Variants in MB21D2 observed in about 807,000 individuals in gnomAD.
MB21D2 encodes Mab-21 domain containing 2.
Under a neutral mutation model 33.3 loss-of-function variants are expected in MB21D2, and 9 were observed. The ratio of observed to expected loss-of-function variants is 0.27; its 90% confidence interval spans 0.16 to 0.47. The LOEUF is 0.47. MB21D2 is among the 20% of genes least tolerant of loss of function. The pLI, the probability that MB21D2 is intolerant of heterozygous loss-of-function variation, is 0.99. For missense variants in MB21D2, 540 were observed against 624.6 expected, an observed-to-expected ratio of 0.86 and a Z score of 1.44; for synonymous variants, 241 against 236.3, an observed-to-expected ratio of 1.02 and a Z score of -0.18.
At chr3:192,847,251 G>A (rs1232919004) in intron 1 of MB21D2, among the ~76,000 whole-genome samples, 1 of 152,170 alleles carries the variant, frequency 6.6e-6, no homozygotes, top group Non-Finnish European at 1.5e-5. Context: ...AACATGTAAA[G>A]GCATAGTTTC....
At position 192,853,231 on chromosome 3, in the gene MB21D2, C is replaced by T. The variant is rs557875084; in HGVS notation, c.212-53581G>A. Among the ~76,000 whole-genome samples, 6 of 152,304 alleles carry T rather than the reference C, an allele frequency of 3.9e-5. No homozygotes were observed. The South Asian group carries it at 1.0e-3, about 26-fold the overall frequency. On this transcript the variant is annotated intron_variant, in intron 1 of 1. Coordinates refer to ENST00000392452, the MANE Select transcript of MB21D2 (RefSeq NM_178496.4). ...AACCACATCACCCCTCGAAGGTCTT[C>T]TCCCACTTCTGGACACTCACTCCAC...
At chr3:192,873,946 C>T (rs6784774) in intron 1 of MB21D2, among the ~76,000 whole-genome samples, 93,037 of 152,070 alleles carry the variant, frequency 0.61, 30,357 homozygotes, top group African/African-American at 0.84. Context: ...GTGATCTGCC[C>T]GCCTTGGCCG....
At chr3:192,900,478 T>A (rs1022703990) in intron 1 of MB21D2, among the ~76,000 whole-genome samples, 1 of 152,026 alleles carries the variant, frequency 6.6e-6, no homozygotes, top group Admixed American at 6.6e-5. Context: ...CAGGGTCAAG[T>A]TGGAGAAGAA....
chr3:192,849,826 C>T (rs1712760398), intron 1 of MB21D2, among the ~76,000 whole-genome samples: 1 of 152,086 alleles, frequency 6.6e-6, no homozygotes, highest in Non-Finnish European at 1.5e-5. Context: ...TCATATGTCC[C>T]AAGGACCTAG....
chr3:192,845,046 C>T (rs1424093612), intron 1 of MB21D2, among the ~76,000 whole-genome samples: 2 of 152,192 alleles, frequency 1.3e-5, no homozygotes, highest in Admixed American at 6.5e-5. Context: ...TCTCTACTCA[C>T]TATAGATTTG....
In MB21D2 at chr3:192,917,589, ACACACACACG is replaced by A. The variant is rs72453014; in HGVS notation, c.211+31_211+40del. On this transcript the variant is annotated intron_variant, in intron 1 of 1. Coordinates refer to ENST00000392452, the MANE Select transcript of MB21D2 (RefSeq NM_178496.4). ...GGTTTTCTACTCCGCTTCCCATCAC[ACACACACACG>A]CACACACACCTCCCCCTTTTTCCTC... 453 of 1,600,688 alleles carry A rather than the reference ACACACACACG, an allele frequency of 2.8e-4. 3 individuals carry two copies. In the African/African-American group the frequency reaches 5.7e-3, roughly 20 times the overall value.
chr3:192,808,995 CACAA>C (rs1166966592), intron 1 of MB21D2, among the ~76,000 whole-genome samples: 1 of 152,032 alleles, frequency 6.6e-6, no homozygotes, highest in African/African-American at 2.4e-5. Context: ...CTGAGAAGGG[CACAA>C]ACATTCATGC....
rs1171362422 is a variant in MB21D2 at position 192,875,021 on chromosome 3, A to AG, written c.211+42608_211+42609insC. 2.0e-5 allele frequency among the ~76,000 whole-genome samples: 3 copies of AG among 151,574 alleles called. No individual in the cohort carries two copies. The East Asian group carries it at 5.8e-4, about 29-fold the overall frequency. ...CTTTGTAAACTGTCCCTATTAAAAAAAAAACAAAAAACTCTTCTATTTATC... is the reference window on the plus strand; with the variant it reads ...CTTTGTAAACTGTCCCTATTAAAAAAGAAAACAAAAAACTCTTCTATTTATC... On this transcript the variant is annotated intron_variant, in intron 1 of 1. Coordinates refer to ENST00000392452, the MANE Select transcript of MB21D2 (RefSeq NM_178496.4).
intron 1 of MB21D2, among the ~76,000 whole-genome samples, chr3:192,886,803 AC>A (rs1713742374): frequency 6.6e-6 from 1 of 152,112 alleles, no homozygotes; most frequent in Non-Finnish European, 1.5e-5. Flanking sequence ...TTTTCACAGT[AC>A]CTTTTTACCT....
rs550738662 is a variant in MB21D2 at position 192,865,296 on chromosome 3, G to A, written c.211+52334C>T. Among the ~76,000 whole-genome samples the A allele has an allele frequency of 2.6e-5, 4 of 152,306 alleles. No individual in the cohort carries two copies. The South Asian group carries it at 6.2e-4, about 24-fold the overall frequency. On this transcript the variant is annotated intron_variant, in intron 1 of 1. Transcript: ENST00000392452. ...GAGGCTGGAAGGAGGCTCAGAGGTA[G>A]GTGAACTGCAAGGTAGAAGATGACC... is the stretch of plus-strand genomic sequence containing the variant.
In MB21D2 at chr3:192,858,868, A is replaced by G. The variant is rs573858676; in HGVS notation, c.211+58762T>C. On this transcript the variant is annotated intron_variant, in intron 1 of 1. Coordinates refer to ENST00000392452, the MANE Select transcript of MB21D2 (RefSeq NM_178496.4). Reference sequence around the variant, plus strand: ...CTCTATTTACAGCGTACAAACCATCAGCATAAACCATGAAACAATCTGTGA... The same window carrying G: ...CTCTATTTACAGCGTACAAACCATCGGCATAAACCATGAAACAATCTGTGA... 1.4e-4 allele frequency among the ~76,000 whole-genome samples: 21 copies of G among 152,358 alleles called. No homozygotes were observed. In the South Asian group the frequency reaches 4.4e-3, roughly 32 times the overall value.
At chr3:192,850,620 T>C (rs1407384770) in intron 1 of MB21D2, among the ~76,000 whole-genome samples, 3 of 152,116 alleles carry the variant, frequency 2.0e-5, no homozygotes, top group South Asian at 2.1e-4. Context: ...CTGAAAACCT[T>C]TGGCCTCAGG....
chr3:192,864,243 C>T, intron 1 of MB21D2, among the ~76,000 whole-genome samples: 1 of 152,180 alleles, frequency 6.6e-6, no homozygotes, highest in East Asian at 1.9e-4. Flanking sequence ...CTTCCAGATA[C>T]AGATAAATGT....
chr3:192,866,219 A>C (rs1331474829), intron 1 of MB21D2, among the ~76,000 whole-genome samples: 2 of 152,198 alleles, frequency 1.3e-5, no homozygotes, highest in Non-Finnish European at 2.9e-5. Flanking sequence ...GAATTTCCCC[A>C]AAATGCTCAG....
chr3:192,830,930 G>A (rs1482810668), intron 1 of MB21D2, among the ~76,000 whole-genome samples: 1 of 152,224 alleles, frequency 6.6e-6, no homozygotes, highest in East Asian at 1.9e-4. Flanking sequence ...CTATGGGTAT[G>A]AGATGGTCAA....
chr3:192,806,327 AAGTCCCAT>A (rs771644621), intron 1 of MB21D2, among the ~76,000 whole-genome samples: 5 of 152,182 alleles, frequency 3.3e-5, no homozygotes, highest in African/African-American at 4.8e-5. Flanking sequence ...GTCCATACTC[AAGTCCCAT>A]AGCTGACCTT....
intron 1 of MB21D2, among the ~76,000 whole-genome samples, chr3:192,830,204 TGTTA>T (rs1368012317): frequency 6.6e-6 from 1 of 151,006 alleles, no homozygotes; most frequent in African/African-American, 2.4e-5. Flanking sequence ...TTTTCCTGAC[TGTTA>T]GTATGTTAAT....
At chr3:192,909,857 G>A (rs944620309) in intron 1 of MB21D2, among the ~76,000 whole-genome samples, 6 of 146,168 alleles carry the variant, frequency 4.1e-5, no homozygotes, top group South Asian at 4.4e-4. Flanking sequence ...ACTGGAACCC[G>A]GGAAGCGGAG....
At chr3:192,859,994 A>C (rs1411737332) in intron 1 of MB21D2, among the ~76,000 whole-genome samples, 1 of 152,366 alleles carries the variant, frequency 6.6e-6, no homozygotes, top group East Asian at 1.9e-4. Context: ...CAAAATGTGG[A>C]AAGTGTATAA....
Sources: gnomAD v4.1 joint callset for allele counts (sites outside exome capture counted in the v4.1 genomes callset) on GRCh38, gnomAD v4.1.1 for gene constraint, MANE v1.5 for transcripts, NCBI Gene and HGNC (gene_info 2026-07-23, HGNC 2026-07-21) for gene names.